The following SLC12A7 variants were observed in gnomAD, a reference collection of about 807,000 sequenced individuals.
SLC12A7 encodes solute carrier family 12 member 7.
Under a neutral mutation model 120.6 loss-of-function variants are expected in SLC12A7, and 100 were observed. The ratio of observed to expected loss-of-function variants is 0.83; its 90% CI spans 0.71 to 0.98. The LOEUF (loss-of-function observed/expected upper bound fraction) is 0.98, where lower values mean the gene tolerates loss of function less well. Among genes scored for constraint, SLC12A7 ranks in the 50% least tolerant of loss-of-function variants. The pLI, the probability that SLC12A7 is intolerant of heterozygous loss-of-function variation, is 0.00. For missense variants in SLC12A7, 1,373 were observed against 1,548.1 expected, an observed-to-expected ratio of 0.89 and a Z score of 1.90; for synonymous variants, 760 against 678.0, an observed-to-expected ratio of 1.12 and a Z score of -1.88.
chr5:1,122,071 C>T, the SLC12A7 span, among the ~76,000 whole-genome samples: 5 of 152,164 alleles, frequency 3.3e-5, no homozygotes, highest in Non-Finnish European at 7.4e-5. Context: ...CCTTGTGCCC[C>T]GGGCCCACGG....
intron 6 of SLC12A7, among the ~76,000 whole-genome samples, chr5:1,085,813 G>A (rs971525262): frequency 3.3e-5 from 5 of 152,202 alleles, no homozygotes; most frequent in Non-Finnish European, 5.9e-5. Context: ...TTCAGGACCC[G>A]GGGCATCCGC....
the SLC12A7 span, among the ~76,000 whole-genome samples, chr5:1,137,688 A>G: frequency 6.6e-6 from 1 of 152,218 alleles, no homozygotes; most frequent in Non-Finnish European, 1.5e-5. Flanking sequence ...CTTGGGCCAC[A>G]CATCTGGGCG....
Position 1,085,300 on chromosome 5 carries a change from G to A in SLC12A7, c.849C>T (p.Cys283=), listed in dbSNP as rs1285224050. ...VNKLALVFLA[C]VVLSILAIYA... ...AGATGGCCAGGATGGACAGCACGAC[G>A]CAGGCCAGGAAGACCAGCGCCAGCT... The change falls in exon 7 of 24, where the codon TGC becomes TGT. Residue 283 remains cysteine, a synonymous_variant. Transcript: ENST00000264930. 20 of 1,612,364 alleles carry A rather than the reference G, an allele frequency of 1.2e-5. No homozygotes were observed. Among genetic ancestry groups the A allele is most frequent in the East Asian group, 6.7e-5 (3 of 44,858 alleles).
At chr5:1,101,634 C>T (rs1287900908) in intron 1 of SLC12A7, among the ~76,000 whole-genome samples, 3 of 151,646 alleles carry the variant, frequency 2.0e-5, no homozygotes, top group African/African-American at 7.3e-5. Flanking sequence ...TCTACCTCTT[C>T]ATTTTATTAT....
chr5:1,149,241 C>T, the SLC12A7 span, among the ~76,000 whole-genome samples: 3 of 151,674 alleles, frequency 2.0e-5, no homozygotes, highest in Non-Finnish European at 4.4e-5. Context: ...ACAAGGGTCC[C>T]CACTTGTAAC....
chr5:1,058,224 G>A (rs1358731355), intron 21 of SLC12A7, among the ~76,000 whole-genome samples: 1 of 152,208 alleles, frequency 6.6e-6, no homozygotes, highest in Admixed American at 6.5e-5. Context: ...TGAAAACACC[G>A]TCCACGCCCC....
At chr5:1,105,633 G>A (rs1300386286) in intron 1 of SLC12A7, among the ~76,000 whole-genome samples, 1 of 152,250 alleles carries the variant, frequency 6.6e-6, no homozygotes, top group Non-Finnish European at 1.5e-5. Flanking sequence ...TATCTGCACA[G>A]AACAGGCCTC....
At chr5:1,066,331 C>T (rs1737051427) in intron 17 of SLC12A7, among the ~76,000 whole-genome samples, 2 of 152,212 alleles carry the variant, frequency 1.3e-5, no homozygotes, top group Non-Finnish European at 2.9e-5. Context: ...CCACATTTCA[C>T]TGGCTTCTGG....
At chr5:1,112,873 C>A (rs186318184), upstream of SLC12A7, among the ~76,000 whole-genome samples, 912 of 26,012 alleles carry the variant, frequency 0.035, 47 homozygotes, top group Middle Eastern at 0.11. Context: ...AGAGGGAGTC[C>A]CCCCCCCCAC....
rs548981573 is a variant in SLC12A7, at chr5:1,070,006, C to T, written c.2241+3627G>A. ...CACACTTAACGCAGCCCCCAGTGAG[C>T]CCCCAGCACACGGGCATCACACTTA... On this transcript the variant is annotated intron_variant, in intron 17 of 23. Coordinates refer to ENST00000264930, the MANE Select transcript of SLC12A7 (RefSeq NM_006598.3). 5.8e-3 allele frequency among the ~76,000 whole-genome samples: 429 copies of T among 73,764 alleles called. 5 individuals are homozygous for T. Among genetic ancestry groups the T allele is most frequent in the Non-Finnish European group, 7.9e-3 (242 of 30,598 alleles). 48.4% of individuals were successfully genotyped at this position (73,764 alleles called of 152,430 possible). A position where few individuals can be genotyped will look rare whatever the true frequency, so the allele number is the denominator to read the frequency against.
rs538268141 is a variant in SLC12A7 at position 1,076,454 on chromosome 5, C to T, written c.1749-218G>A. ...CCTGGTCCATCAAGAGATGGGCCAT[C>T]GTCCCTTCCCCAGCAGCCGTCTGTC... On this transcript the variant is annotated intron_variant, in intron 13 of 23. Transcript: ENST00000264930. Among the ~76,000 whole-genome samples the T allele has an allele frequency of 8.0e-5, 5 of 62,508 alleles. No individual in the cohort carries two copies. In the East Asian group the frequency reaches 2.1e-3, roughly 26 times the overall value. The allele number at this position is 62,508 out of a possible 152,430, so 41.0% of individuals were successfully genotyped here.
rs1741665871 is a variant in SLC12A7, at chr5:1,098,776, GCT to G, written c.125-4530_125-4529del. Among the ~76,000 whole-genome samples the G allele has an allele frequency of 1.7e-4, 19 of 109,554 alleles. 3 individuals are homozygous for G. Among genetic ancestry groups the G allele is most frequent in the Admixed American group, 3.8e-4 (4 of 10,568 alleles). 71.9% of individuals were successfully genotyped at this position (109,554 alleles called of 152,430 possible). A position where few individuals can be genotyped will look rare whatever the true frequency, so the allele number is the denominator to read the frequency against. On this transcript the variant is annotated intron_variant, in intron 1 of 23. Coordinates refer to ENST00000264930, the MANE Select transcript of SLC12A7 (RefSeq NM_006598.3). ...ACACCCAGCCCCCCTCTAACCCTCT[GCT>G]CACCCAGCCACCCTCTAACCCTCTG... is the stretch of plus-strand genomic sequence containing the variant.
At position 1,083,649 on chromosome 5, in the gene SLC12A7, G is replaced by T. The variant is rs774405429; in HGVS notation, c.1129+96C>A. ...GCTCGGCCAGGCAGGAGGAATTGGGGCCCTGAGAGTGACTCTAAGGCGAGA... is the reference window on the plus strand; with the variant it reads ...GCTCGGCCAGGCAGGAGGAATTGGGTCCCTGAGAGTGACTCTAAGGCGAGA... On this transcript the variant is annotated intron_variant, in intron 8 of 23. Coordinates refer to ENST00000264930, the MANE Select transcript of SLC12A7 (RefSeq NM_006598.3). 4.2e-4 allele frequency: 541 copies of T among 1,276,252 alleles called. 1 individual carries two copies. Among genetic ancestry groups the T allele is most frequent in the Non-Finnish European group, 5.7e-4 (513 of 899,658 alleles). 79.1% of individuals were successfully genotyped at this position (1,276,252 alleles called of 1,614,324 possible).
chr5:1,057,441 T>TC (rs745526990), intron 22 of SLC12A7, 30 bp downstream of exon 22: 5 of 1,583,030 alleles, frequency 3.2e-6, no homozygotes, highest in Admixed American at 1.7e-5. Flanking sequence ...CAGGATCTGT[T>TC]CCCCCCAGGC....
intron 20 of SLC12A7, among the ~76,000 whole-genome samples, chr5:1,062,064 G>A (rs1056591822): frequency 4.6e-5 from 7 of 152,220 alleles, no homozygotes; most frequent in African/African-American, 1.7e-4. Flanking sequence ...CCCTGCCAGA[G>A]ACATGGCTGG....
At chr5:1,141,625 T>C in the SLC12A7 span, among the ~76,000 whole-genome samples, 3 of 152,226 alleles carry the variant, frequency 2.0e-5, no homozygotes, top group Non-Finnish European at 4.4e-5. Flanking sequence ...GCTTGTGTGG[T>C]CACTGAAGTT....
intron 22 of SLC12A7, 34 bp from the exon 23 acceptor site, chr5:1,053,516 G>A (rs375448616): frequency 2.4e-5 from 39 of 1,607,164 alleles, no homozygotes; most frequent in South Asian, 7.8e-5. Context: ...AGCGGGCGGC[G>A]GGTGCACCCC....
chr5:1,065,083 A>G (rs567824131), intron 18 of SLC12A7, among the ~76,000 whole-genome samples, 200 bp downstream of exon 18: 7 of 116,846 alleles, frequency 6.0e-5, no homozygotes, highest in Non-Finnish European at 1.1e-4. Context: ...GCAAGGGGAC[A>G]CTGAGGAGAC....
chr5:1,074,138 C>T (rs1348717479), intron 16 of SLC12A7, among the ~76,000 whole-genome samples: 1 of 152,068 alleles, frequency 6.6e-6, no homozygotes, highest in Non-Finnish European at 1.5e-5. Flanking sequence ...GACAATGGCC[C>T]AGGACACACA....
Sources: allele counts gnomAD v4.1 joint callset (sites outside exome capture counted in the v4.1 genomes callset), GRCh38; gene constraint gnomAD v4.1.1; transcripts MANE v1.5; gene names NCBI Gene and HGNC (gene_info 2026-07-23, HGNC 2026-07-21).